The following CADM2 variants were observed in gnomAD, a reference collection of about 807,000 sequenced individuals.
The protein encoded by CADM2 is immunoglobulin superfamily member 4D.
Under a neutral mutation model 49.8 loss-of-function variants are expected in CADM2, and 12 were observed. That is an observed-to-expected ratio of 0.24 (90% CI 0.15 to 0.39). The LOEUF is 0.39. Among genes scored for constraint, CADM2 ranks in the 10% least tolerant of loss-of-function variants. The probability of loss-of-function intolerance (pLI) is 1.00; values close to 1 mark genes in which losing one functional copy is unlikely to be tolerated. For missense variants in CADM2, 378 were observed against 492.3 expected, an observed-to-expected ratio of 0.77 and a Z score of 2.20; for synonymous variants, 214 against 175.4, an observed-to-expected ratio of 1.22 and a Z score of -1.74.
At chr3:85,521,741 T>A (rs1039345595) in intron 1 of CADM2, among the ~76,000 whole-genome samples, 1 of 152,156 alleles carries the variant, frequency 6.6e-6, no homozygotes, top group African/African-American at 2.4e-5. Context: ...TCGTTCACAT[T>A]TGACGGGTGA....
intron 8 of CADM2, among the ~76,000 whole-genome samples, chr3:86,007,971 T>A (rs1730996673): frequency 6.6e-6 from 1 of 152,136 alleles, no homozygotes; most frequent in South Asian, 2.1e-4. Flanking sequence ...AGAGGAAAAT[T>A]TTTTAAGTAT....
rs78682464 is a variant in CADM2 at position 85,830,797 on chromosome 3, TTTTATTTATTTA to T, written c.238+28635_238+28646del. On this transcript the variant is annotated intron_variant, in intron 3 of 9. Coordinates refer to ENST00000383699, the MANE Select transcript of CADM2 (RefSeq NM_001167675.2). ...TTTGGTCAGAAGATGTCTTTGTGCA[TTTTATTTATTTA>T]TTTATTTATTTATTTATTTATTTAT... is the stretch of plus-strand genomic sequence containing the variant. 4.9e-3 allele frequency among the ~76,000 whole-genome samples: 694 copies of T among 142,138 alleles called. 2 individuals are homozygous for T. Among genetic ancestry groups the T allele is most frequent in the African/African-American group, 0.016 (631 of 38,480 alleles). 93.2% of individuals were successfully genotyped at this position (142,138 alleles called of 152,430 possible).
chr3:85,109,160 A>G (rs1453492344), intron 1 of CADM2, among the ~76,000 whole-genome samples: 1 of 152,042 alleles, frequency 6.6e-6, no homozygotes, highest in African/African-American at 2.4e-5. Context: ...ACTTAAAAAA[A>G]CTTTTCATGG....
chr3:85,765,938 C>T (rs904611004), intron 2 of CADM2, among the ~76,000 whole-genome samples: 1 of 152,030 alleles, frequency 6.6e-6, no homozygotes, highest in Non-Finnish European at 1.5e-5. Flanking sequence ...TTTCTGGCAG[C>T]ATGAATGTTG....
At chr3:85,551,043 G>C (rs184016731) in intron 1 of CADM2, among the ~76,000 whole-genome samples, 2 of 152,204 alleles carry the variant, frequency 1.3e-5, no homozygotes, top group East Asian at 3.9e-4. Flanking sequence ...GAGTGTAGTG[G>C]TGTGATTTTG....
intron 1 of CADM2, among the ~76,000 whole-genome samples, chr3:85,470,893 CATAACCAATT>C (rs2038737293): frequency 6.6e-6 from 1 of 152,098 alleles, no homozygotes; most frequent in African/African-American, 2.4e-5. Flanking sequence ...AAAATATTGT[CATAACCAATT>C]AACTGGAAAA....
intron 8 of CADM2, among the ~76,000 whole-genome samples, chr3:86,025,427 T>C (rs893895902): frequency 2.7e-5 from 4 of 148,466 alleles, no homozygotes; most frequent in Non-Finnish European, 5.9e-5. Context: ...AAATATCTTC[T>C]AAGGACTTTT....
intron 1 of CADM2, among the ~76,000 whole-genome samples, chr3:85,380,649 T>C (rs760105272): frequency 1.3e-5 from 2 of 151,992 alleles, no homozygotes; most frequent in African/African-American, 2.4e-5. Context: ...TCCAATTAAA[T>C]GACAAAAACC....
At chr3:85,960,704 T>G (rs1252126323) in intron 7 of CADM2, among the ~76,000 whole-genome samples, 2 of 151,788 alleles carry the variant, frequency 1.3e-5, no homozygotes, top group Non-Finnish European at 2.9e-5. Flanking sequence ...AATCTATGGT[T>G]CATTTATCCT....
intron 1 of CADM2, among the ~76,000 whole-genome samples, chr3:85,585,180 C>T (rs1319012886): frequency 6.6e-6 from 1 of 151,926 alleles, no homozygotes; most frequent in African/African-American, 2.4e-5. Context: ...TTGAAACCAC[C>T]TGGCCATAAG....
intron 1 of CADM2, among the ~76,000 whole-genome samples, chr3:85,317,301 A>T (rs531395022): frequency 6.6e-6 from 1 of 152,112 alleles, no homozygotes; most frequent in East Asian, 1.9e-4. Context: ...GACCTGATGA[A>T]CTCCCTAGGG....
intron 1 of CADM2, among the ~76,000 whole-genome samples, chr3:85,422,279 A>C (rs2036205637): frequency 1.3e-5 from 2 of 152,144 alleles, no homozygotes; most frequent in Non-Finnish European, 2.9e-5. Context: ...GAATGAAATA[A>C]TGCAGCAGCC....
intron 1 of CADM2, among the ~76,000 whole-genome samples, chr3:85,068,156 A>T (rs927766784): frequency 1.3e-5 from 2 of 152,228 alleles, no homozygotes; most frequent in South Asian, 4.1e-4. Flanking sequence ...CTTCAATTAT[A>T]ACATTTCTCT....
At chr3:85,774,046 CT>C (rs1329460773) in intron 2 of CADM2, among the ~76,000 whole-genome samples, 2 of 151,798 alleles carry the variant, frequency 1.3e-5, no homozygotes, top group Non-Finnish European at 2.9e-5. Flanking sequence ...TGGCACGTAG[CT>C]TTTGTACTTT....
At chr3:85,833,776 A>G (rs1038511075) in intron 3 of CADM2, among the ~76,000 whole-genome samples, 1 of 151,650 alleles carries the variant, frequency 6.6e-6, no homozygotes, top group African/African-American at 2.4e-5. Context: ...AGACAAAGCT[A>G]TATCATCATC....
At chr3:85,615,320 T>G (rs1249147340) in intron 1 of CADM2, among the ~76,000 whole-genome samples, 1 of 151,930 alleles carries the variant, frequency 6.6e-6, no homozygotes, top group Non-Finnish European at 1.5e-5. Flanking sequence ...TTCCAGAAAA[T>G]TTTGCTATGT....
intron 2 of CADM2, among the ~76,000 whole-genome samples, chr3:85,776,059 C>T (rs985546965): frequency 6.6e-6 from 1 of 151,514 alleles, no homozygotes; most frequent in African/African-American, 2.4e-5. Flanking sequence ...CTGTGAATTT[C>T]TCTTGGGGGT....
intron 1 of CADM2, among the ~76,000 whole-genome samples, chr3:85,584,994 G>A (rs1295984720): frequency 2.6e-5 from 4 of 151,980 alleles, no homozygotes; most frequent in South Asian, 2.1e-4. Flanking sequence ...ACTTTCCATG[G>A]TTTCAGTTAA....
chr3:85,633,595 A>G (rs970641549), intron 1 of CADM2, among the ~76,000 whole-genome samples: 6 of 152,020 alleles, frequency 3.9e-5, no homozygotes, highest in Admixed American at 6.6e-5. Context: ...AAATTCAAAC[A>G]TTGTTTCAAT....
Sources: allele counts gnomAD v4.1 joint callset (sites outside exome capture counted in the v4.1 genomes callset), GRCh38; gene constraint gnomAD v4.1.1; transcripts MANE v1.5; gene names NCBI Gene and HGNC (gene_info 2026-07-23, HGNC 2026-07-21).